NRXN3: variants seen among roughly 807,000 people sequenced by gnomAD.
NRXN3 encodes neurexin 3.
NRXN3 carries 32 observed loss-of-function variants against 137.6 expected under a neutral mutation model. That is an observed-to-expected ratio of 0.23 (90% confidence interval 0.18 to 0.31). NRXN3 has a LOEUF of 0.31. Ranked by LOEUF, NRXN3 falls within the 10% of genes least tolerant of loss-of-function variation. The pLI is 1.00. For synonymous variants in NRXN3, 798 were observed against 784.5 expected (o/e 1.02, Z -0.29); for missense variants, 1,574 against 2,062.5 (o/e 0.76, Z 4.59).
At chr14:78,815,944 G>A (rs1235169707) in intron 10 of NRXN3, among the ~76,000 whole-genome samples, 3 of 152,144 alleles carry the variant, frequency 2.0e-5, no homozygotes, top group Non-Finnish European at 1.5e-5. Context: ...AAAAGCAAGA[G>A]CCTATGTATC....
chr14:78,651,369 T>A (rs768447075), intron 6 of NRXN3, 43 bp downstream of exon 6: 39 of 1,592,776 alleles, frequency 2.4e-5, no homozygotes, highest in Non-Finnish European at 3.3e-5. Flanking sequence ...TGTGATTGTT[T>A]CATTTATAAA....
intron 4 of NRXN3, among the ~76,000 whole-genome samples, chr14:78,311,484 T>C (rs1396530696): frequency 6.6e-6 from 1 of 152,196 alleles, no homozygotes; most frequent in Non-Finnish European, 1.5e-5. Flanking sequence ...TGGCTTTGAA[T>C]GCAATCCAAC....
intron 1 of NRXN3, among the ~76,000 whole-genome samples, chr14:78,201,562 G>T (rs569438478): frequency 2.0e-5 from 3 of 152,346 alleles, no homozygotes; most frequent in South Asian, 4.1e-4. Context: ...CTGGGAGTTG[G>T]AGCAGGGGGA....
At chr14:78,234,027 C>G (rs1429240266) in intron 1 of NRXN3, among the ~76,000 whole-genome samples, 1 of 152,168 alleles carries the variant, frequency 6.6e-6, no homozygotes, top group East Asian at 1.9e-4. Flanking sequence ...AGCTGTTCTC[C>G]TGATAGTGAG....
chr14:78,737,527 G>A (rs571561559), intron 8 of NRXN3, among the ~76,000 whole-genome samples: 27 of 152,236 alleles, frequency 1.8e-4, no homozygotes, highest in African/African-American at 6.3e-4. Flanking sequence ...TGACCCGTGA[G>A]CTGCAGCTGC....
At chr14:78,784,423 G>A (rs771219347) in intron 8 of NRXN3, among the ~76,000 whole-genome samples, 2 of 152,216 alleles carry the variant, frequency 1.3e-5, no homozygotes, top group African/African-American at 4.8e-5. Flanking sequence ...AGGTCACCAG[G>A]TGGCTCTAAG....
At chr14:78,502,347 C>A (rs1462100973) in intron 4 of NRXN3, among the ~76,000 whole-genome samples, 1 of 152,152 alleles carries the variant, frequency 6.6e-6, no homozygotes, top group Non-Finnish European at 1.5e-5. Flanking sequence ...GAAAATAAAT[C>A]ATGTTTAGGA....
chr14:78,531,205 A>G (rs997432042), intron 4 of NRXN3, among the ~76,000 whole-genome samples: 1 of 152,098 alleles, frequency 6.6e-6, no homozygotes, highest in African/African-American at 2.4e-5. Context: ...GAGCTGATGG[A>G]GATTAGCCAA....
chr14:78,256,650 G>C (rs139733426), intron 2 of NRXN3, among the ~76,000 whole-genome samples: 1 of 152,340 alleles, frequency 6.6e-6, no homozygotes, highest in East Asian at 1.9e-4. Flanking sequence ...TGCAGGACCT[G>C]ACTTCATTGA....
chr14:78,749,026 G>A (rs1191248229), intron 8 of NRXN3, among the ~76,000 whole-genome samples: 4 of 152,072 alleles, frequency 2.6e-5, no homozygotes, highest in South Asian at 2.1e-4. Context: ...TTTTTTTCTG[G>A]ATGTTCTTTT....
At chr14:78,238,139 G>GCCCC (rs111555461) in intron 1 of NRXN3, among the ~76,000 whole-genome samples, 11 of 145,572 alleles carry the variant, frequency 7.6e-5, no homozygotes, top group Non-Finnish European at 9.0e-5. Context: ...AGTTGTGTGA[G>GCCCC]CCCCCCCCAC....
Position 79,664,878 on chromosome 14 carries a change from A to T in NRXN3, c.3616+929A>T, listed in dbSNP as rs74792748. Among the ~76,000 whole-genome samples the T allele has an allele frequency of 9.8e-3, 1,494 of 152,246 alleles. 11 individuals are homozygous for T. The highest frequency in any genetic ancestry group is 0.016 in the Non-Finnish European group (1,055 of 67,990). The stretch of plus-strand genomic sequence containing the variant: ...GCACTTCTCACTAATGTGGGCATGA[A>T]GTGATGTGCTACTCTCTATCCTACA... On this transcript the variant is annotated intron_variant, in intron 17 of 20. Transcript: ENST00000335750.
chr14:79,346,575 C>G (rs1461076874), intron 15 of NRXN3, among the ~76,000 whole-genome samples: 1 of 152,190 alleles, frequency 6.6e-6, no homozygotes, highest in Non-Finnish European at 1.5e-5. Flanking sequence ...GAAATCTTTA[C>G]ATGATCACTG....
intron 4 of NRXN3, among the ~76,000 whole-genome samples, chr14:78,335,374 CAT>C (rs2081339504): frequency 3.3e-5 from 5 of 152,182 alleles, no homozygotes; most frequent in Admixed American, 2.6e-4. Context: ...GTTATCTTTT[CAT>C]ATGTTGATCT....
Position 78,851,102 on chromosome 14 carries a change from T to C in NRXN3, c.2275+40758T>C, listed in dbSNP as rs74067146. On this transcript the variant is annotated intron_variant, in intron 10 of 20. Transcript: ENST00000335750. ...AAATATGAAGTAGGAAATTCTTTGG[T>C]AATTGTTGGAGGTTGGTATAGTGCA... is the stretch of plus-strand genomic sequence containing the variant. Among the ~76,000 whole-genome samples the C allele has an allele frequency of 4.1e-3, 625 of 152,260 alleles. 5 individuals are homozygous for C. Among genetic ancestry groups the C allele is most frequent in the African/African-American group, 0.014 (581 of 41,552 alleles).
At chr14:78,638,024 G>A (rs900837508) in intron 4 of NRXN3, among the ~76,000 whole-genome samples, 12 of 152,196 alleles carry the variant, frequency 7.9e-5, no homozygotes, top group African/African-American at 1.2e-4. Context: ...TCAGTGAAGC[G>A]TGGTTTTCCA....
At chr14:78,670,453 G>A (rs2097923800) in intron 6 of NRXN3, among the ~76,000 whole-genome samples, 1 of 152,158 alleles carries the variant, frequency 6.6e-6, no homozygotes, top group South Asian at 2.1e-4. Context: ...TTCTCATCCT[G>A]TGACTTAGAA....
chr14:78,304,119 A>T (rs1304219943), intron 4 of NRXN3, among the ~76,000 whole-genome samples: 1 of 152,172 alleles, frequency 6.6e-6, no homozygotes, highest in Non-Finnish European at 1.5e-5. Context: ...CACAACCCTC[A>T]TGACCCCAAA....
intron 2 of NRXN3, among the ~76,000 whole-genome samples, chr14:78,251,200 G>A (rs143973793): frequency 4.2e-4 from 64 of 152,248 alleles, no homozygotes; most frequent in African/African-American, 1.4e-3. Flanking sequence ...AGGGTTGGTG[G>A]TGAGAGTTGG....
Sources: gnomAD v4.1 joint callset for allele counts (sites outside exome capture counted in the v4.1 genomes callset) on GRCh38, gnomAD v4.1.1 for gene constraint, MANE v1.5 for transcripts, NCBI Gene and HGNC (gene_info 2026-07-23, HGNC 2026-07-21) for gene names.